DGKB: variants seen among roughly 807,000 people sequenced by gnomAD.
DGKB encodes 90 kDa diacylglycerol kinase.
In DGKB, 67 loss-of-function variants were observed where a neutral mutation model predicts 114.3. The observed-to-expected ratio is 0.59, with a 90% CI of 0.48 to 0.72. The LOEUF (loss-of-function observed/expected upper bound fraction) is 0.72. Among genes scored for constraint, DGKB ranks in the 30% least tolerant of loss-of-function variants. The pLI, the probability that DGKB is intolerant of heterozygous loss-of-function variation, is 0.00. For synonymous variants in DGKB, 398 were observed against 323.1 expected (o/e 1.23, Z -2.49); for missense variants, 907 against 975.2 (o/e 0.93, Z 0.93).
At chr7:14,893,053 T>A (rs1781535849) in intron 1 of DGKB, among the ~76,000 whole-genome samples, 1 of 151,184 alleles carries the variant, frequency 6.6e-6, no homozygotes, top group South Asian at 2.1e-4. Flanking sequence ...AAATTCCCAA[T>A]TCAGAAACAT....
intron 1 of DGKB, among the ~76,000 whole-genome samples, chr7:14,956,979 T>C (rs925146911): frequency 2.0e-5 from 3 of 151,930 alleles, no homozygotes; most frequent in Non-Finnish European, 2.9e-5. Flanking sequence ...TGCAGAGGAA[T>C]TGAAATTTTC....
At chr7:14,742,762 G>C (rs1832752712) in intron 4 of DGKB, among the ~76,000 whole-genome samples, 1 of 152,176 alleles carries the variant, frequency 6.6e-6, no homozygotes, top group Admixed American at 6.5e-5. Flanking sequence ...ATTATAACAT[G>C]TAATTGAGAC....
intron 14 of DGKB, among the ~76,000 whole-genome samples, chr7:14,626,044 A>G (rs1234859130): frequency 2.0e-5 from 3 of 152,188 alleles, no homozygotes; most frequent in African/African-American, 7.2e-5. Context: ...CACAGAAAAT[A>G]GAAAGGTGAA....
At chr7:14,380,101 A>G (rs1473063319) in intron 21 of DGKB, among the ~76,000 whole-genome samples, 2 of 152,152 alleles carry the variant, frequency 1.3e-5, no homozygotes, top group African/African-American at 4.8e-5. Flanking sequence ...GATCCAATAC[A>G]TGTTGCGTAC....
intron 23 of DGKB, among the ~76,000 whole-genome samples, chr7:14,278,804 G>A (rs1201298076): frequency 6.6e-6 from 1 of 151,996 alleles, no homozygotes; most frequent in East Asian, 1.9e-4. Flanking sequence ...CAACTCAATA[G>A]GAAGAAAATA....
At chr7:14,387,411 C>CAA (rs34477734) in intron 21 of DGKB, among the ~76,000 whole-genome samples, 1 of 102,422 alleles carries the variant, frequency 9.8e-6, no homozygotes, top group African/African-American at 3.9e-5. Context: ...GACTCCATCT[C>CAA]AAAAAAAAAA....
intron 23 of DGKB, among the ~76,000 whole-genome samples, chr7:14,327,516 TTA>T (rs1212941243): frequency 6.6e-6 from 1 of 152,142 alleles, no homozygotes; most frequent in Admixed American, 6.6e-5. Context: ...TCAGTATATT[TTA>T]GTTAACATAC....
intron 21 of DGKB, among the ~76,000 whole-genome samples, chr7:14,439,640 G>T (rs1829777749): frequency 6.6e-6 from 1 of 152,064 alleles, no homozygotes; most frequent in South Asian, 2.1e-4. Context: ...GAAGTGGATG[G>T]ATCATTTGAG....
intron 21 of DGKB, among the ~76,000 whole-genome samples, chr7:14,458,165 C>T (rs115130966): frequency 1.3e-5 from 2 of 152,154 alleles, no homozygotes; most frequent in Admixed American, 6.5e-5. Flanking sequence ...AATTCGATTT[C>T]AGGTATTCTA....
At chr7:14,304,727 A>T (rs933070187) in intron 23 of DGKB, among the ~76,000 whole-genome samples, 3 of 152,118 alleles carry the variant, frequency 2.0e-5, no homozygotes, top group African/African-American at 7.2e-5. Context: ...ATATTCTGTA[A>T]ATTTTAATGG....
intron 23 of DGKB, among the ~76,000 whole-genome samples, chr7:14,326,034 C>G (rs1010835565): frequency 6.6e-6 from 1 of 150,428 alleles, no homozygotes; most frequent in Admixed American, 6.6e-5. Context: ...GGTTATGAGA[C>G]AGACCTGGCA....
At chr7:14,959,004 T>C (rs1786683203) in intron 1 of DGKB, among the ~76,000 whole-genome samples, 1 of 152,088 alleles carries the variant, frequency 6.6e-6, no homozygotes, top group African/African-American at 2.4e-5. Flanking sequence ...TCTCTGTCAT[T>C]TGGTTGAAGA....
At chr7:14,172,162 G>A (rs1055380627) in intron 25 of DGKB, among the ~76,000 whole-genome samples, 1 of 152,132 alleles carries the variant, frequency 6.6e-6, no homozygotes, top group Non-Finnish European at 1.5e-5. Context: ...TTGGACAAGA[G>A]GGAAGCGCAT....
At chr7:14,547,887 T>A (rs1794544656) in intron 20 of DGKB, among the ~76,000 whole-genome samples, 1 of 152,174 alleles carries the variant, frequency 6.6e-6, no homozygotes, top group African/African-American at 2.4e-5. Flanking sequence ...CCTGGAGCAT[T>A]TTTTAGAAGA....
chr7:14,211,306 A>ATGTTTTGTGATATTTACTCTCG (rs1562627128), intron 23 of DGKB, among the ~76,000 whole-genome samples: 7 of 91,602 alleles, frequency 7.6e-5, no homozygotes, highest in East Asian at 8.3e-4. Context: ...ATTTACTCTC[A>ATGTTTTGTGATATTTACTCTCG]TGTTTTGTGA....
chr7:14,283,681 A>T (rs1800342780), intron 23 of DGKB, among the ~76,000 whole-genome samples: 1 of 151,592 alleles, frequency 6.6e-6, no homozygotes, highest in Admixed American at 6.6e-5. Flanking sequence ...GATCAATGGA[A>T]AAGAACAGAG....
chr7:14,496,463 T>C (rs1785321754), intron 20 of DGKB, among the ~76,000 whole-genome samples: 1 of 151,752 alleles, frequency 6.6e-6, no homozygotes, highest in Non-Finnish European at 1.5e-5. Flanking sequence ...ATGAGTGGTA[T>C]AAGGGTACAA....
At chr7:14,657,880 G>GA (rs1327846295) in intron 13 of DGKB, among the ~76,000 whole-genome samples, 2 of 151,902 alleles carry the variant, frequency 1.3e-5, no homozygotes, top group Non-Finnish European at 2.9e-5. Flanking sequence ...AAAGTCAGAT[G>GA]AAAAAATCTA....
chr7:14,574,327 T>C lies in DGKB; in HGVS notation c.1655A>G (p.Asn552Ser), dbSNP rs748624920. ...CCTGTCCAACATGATTTCTGTGCTGTTTTCAATGTCTTTTAGAATTTTCAT... is the reference window on the plus strand; with the variant it reads ...CCTGTCCAACATGATTTCTGTGCTGCTTTCAATGTCTTTTAGAATTTTCAT... ...NLMKILKDIE[N>S]STEIMLDRWK... Residue 552 changes from asparagine (N) to serine (S), a missense_variant, in exon 20 of 26, where the codon AAC becomes AGC. Around this residue, in one of 3 missense-constraint regions of DGKB, gnomAD observed 814 missense variants for 856.6 expected, o/e 0.95. Transcript: ENST00000402815. 93 of 1,613,264 alleles carry C rather than the reference T, an allele frequency of 5.8e-5. 3 individuals carry two copies. In the South Asian group the frequency reaches 9.8e-4, roughly 17 times the overall value.
Sources: allele counts gnomAD v4.1 joint callset (sites outside exome capture counted in the v4.1 genomes callset), GRCh38; gene constraint gnomAD v4.1.1; regional missense constraint gnomAD v4.1.1; transcripts MANE v1.5; gene names NCBI Gene and HGNC (gene_info 2026-07-23, HGNC 2026-07-21).